The following SARDH variants were observed in gnomAD, a reference collection of about 807,000 sequenced individuals.
SARDH encodes sarcosine dehydrogenase.
Under a neutral mutation model 109.1 loss-of-function variants are expected in SARDH, and 95 were observed. The ratio of observed to expected loss-of-function variants is 0.87; its 90% CI spans 0.74 to 1.03. The LOEUF (loss-of-function observed/expected upper bound fraction) is 1.03, where lower values mean the gene tolerates loss of function less well. Among genes scored for constraint, SARDH ranks in the 50% least tolerant of loss-of-function variants. The pLI, the probability that SARDH is intolerant of heterozygous loss-of-function variation, is 0.00. For synonymous variants in SARDH, 572 were observed against 534.8 expected (o/e 1.07, Z -0.96); for missense variants, 1,267 against 1,287.8 (o/e 0.98, Z 0.25).
rs998402679 is a variant in SARDH, at chr9:133,670,534, T to G, written c.2495+50A>C. The G allele has an allele frequency of 2.6e-6, 4 of 1,536,758 alleles. No homozygotes were observed. The African/African-American group carries it at 5.5e-5, about 21-fold the overall frequency. ...GGGACCAAGAAGCGCCTGCCTGCCC[T>G]GGCTGTAGGCAGTTGCTTCCGGGTG... is the stretch of plus-strand genomic sequence containing the variant. On this transcript the variant is annotated intron_variant, in intron 19 of 20. Coordinates refer to ENST00000439388, the MANE Select transcript of SARDH (RefSeq NM_001134707.2).
rs1243145429 is a variant in SARDH, at chr9:133,734,014, C to T, written c.160G>A (p.Val54Met). 6 of 1,613,048 alleles carry T rather than the reference C, an allele frequency of 3.7e-6. No homozygotes were observed. Among genetic ancestry groups the T allele is most frequent in the South Asian group, 1.1e-5 (1 of 91,076 alleles). ...RTLKEGQGTSVVAQGPSRPLP... is the reference protein window; with the variant it reads ...RTLKEGQGTSMVAQGPSRPLP... Reference sequence around the variant, plus strand: ...GGCCGGCTTGGGCCTTGGGCCACCACCGAGGTGCCCTGTCCCTCCTTCAGG... The same window carrying T: ...GGCCGGCTTGGGCCTTGGGCCACCATCGAGGTGCCCTGTCCCTCCTTCAGG... Residue 54 changes from valine to methionine, a missense_variant, in exon 2 of 21, where the codon GTG (valine) becomes ATG (methionine). Physicochemically the swap from Val to Met is conservative, Grantham distance 21. Transcript: ENST00000439388.
chr9:133,710,670 C>T lies in SARDH; in HGVS notation c.1328+1949G>A, dbSNP rs139080035. Among the ~76,000 whole-genome samples, 202 of 152,384 alleles carry T rather than the reference C, an allele frequency of 1.3e-3. 1 individual carries two copies. Among genetic ancestry groups the T allele is most frequent in the African/African-American group, 4.7e-3 (197 of 41,594 alleles). On this transcript the variant is annotated intron_variant, in intron 10 of 20. Coordinates refer to ENST00000439388, the MANE Select transcript of SARDH (RefSeq NM_001134707.2). The stretch of plus-strand genomic sequence containing the variant: ...TTCTCAGGCACCTCCTTCCTCTCCT[C>T]GCTCTGTCTCTCTCCTTCAGGGTCT...
chr9:133,667,133 G>A (rs924589078), intron 19 of SARDH: 6 of 579,384 alleles, frequency 1.0e-5, no homozygotes, highest in East Asian at 8.5e-5. Flanking sequence ...TTCCAGAAGC[G>A]AGCCCCGTAT....
intron 6 of SARDH, among the ~76,000 whole-genome samples, chr9:133,723,579 G>C (rs761927864): frequency 1.3e-5 from 2 of 152,224 alleles, no homozygotes; most frequent in Middle Eastern, 3.4e-3. Flanking sequence ...TTGCTAACGT[G>C]GTGAAACCCT....
At chr9:133,669,937 T>C (rs1935391675) in intron 19 of SARDH, among the ~76,000 whole-genome samples, 1 of 152,204 alleles carries the variant, frequency 6.6e-6, no homozygotes, top group Non-Finnish European at 1.5e-5. Context: ...CACCTTTCTC[T>C]TTTGAGACCT....
intron 17 of SARDH, among the ~76,000 whole-genome samples, chr9:133,677,365 G>A (rs539695986): frequency 2.0e-5 from 3 of 152,168 alleles, no homozygotes; most frequent in Admixed American, 1.3e-4. Context: ...GAAAGAATCC[G>A]TAGGGGATGC....
Position 133,731,373 on chromosome 9 carries a change from C to T in SARDH, c.622G>A (p.Asp208Asn), listed in dbSNP as rs117556708. 2.5e-6 allele frequency: 4 copies of T among 1,614,206 alleles called. No homozygotes were observed. The South Asian group carries it at 3.3e-5, about 13-fold the overall frequency. Residue 208 changes from aspartate to asparagine, a missense_variant, in exon 4 of 21, where the codon GAC becomes AAC. Transcript: ENST00000439388. The part of the protein sequence containing the change: ...DLYGTLYVPH[D>N]GTMDPAGTCT... ...GTGCCAGCGGGGTCCATGGTACCGT[C>T]GTGCGGCACATACAGGGTCCCGTAG...
Position 133,685,242 on chromosome 9 carries a change from T to C in SARDH, c.2114A>G (p.Glu705Gly), listed in dbSNP as rs769330871. The change falls in exon 17 of 21, where the codon GAG becomes GGG. Residue 705 changes from glutamate to glycine, a missense_variant. Transcript: ENST00000439388. ...QEVLDADLSN[E>G]AFPFSTHKLL... ...CTTGTGGGTGGAGAACGGGAAGGCCTCGTTGCTCAGGTCTGCGTCCAGCAC... is the reference window on the plus strand; with the variant it reads ...CTTGTGGGTGGAGAACGGGAAGGCCCCGTTGCTCAGGTCTGCGTCCAGCAC... 6.2e-7 allele frequency: 1 copy of C among 1,613,996 alleles called. No homozygotes were observed. Among genetic ancestry groups the C allele is most frequent in the South Asian group, 1.1e-5 (1 of 91,076 alleles).
chr9:133,689,581 A>G (rs1831018630), intron 16 of SARDH, among the ~76,000 whole-genome samples: 1 of 152,054 alleles, frequency 6.6e-6, no homozygotes, highest in South Asian at 2.1e-4. Flanking sequence ...AAATGTCTCA[A>G]CCTCTCTGTT....
intron 8 of SARDH, among the ~76,000 whole-genome samples, chr9:133,714,900 A>G (rs1832062036): frequency 6.6e-6 from 1 of 152,228 alleles, no homozygotes; most frequent in African/African-American, 2.4e-5. Flanking sequence ...ACAACCTCAC[A>G]GGGAATCTGC....
chr9:133,660,026 A>G (rs1042764510), downstream of SARDH, among the ~76,000 whole-genome samples: 1 of 151,974 alleles, frequency 6.6e-6, no homozygotes, highest in Non-Finnish European at 1.5e-5. Context: ...AATCCTAGCC[A>G]GCTCTGGAAC....
At chr9:133,719,690 G>C (rs1191195369) in intron 6 of SARDH, among the ~76,000 whole-genome samples, 2 of 134,282 alleles carry the variant, frequency 1.5e-5, no homozygotes, top group Non-Finnish European at 3.0e-5. Flanking sequence ...GAGAGGCCCA[G>C]GGAAGGCTTG....
chr9:133,738,954 C>T (rs769519636), upstream of SARDH, among the ~76,000 whole-genome samples: 3 of 152,204 alleles, frequency 2.0e-5, no homozygotes, highest in African/African-American at 2.4e-5. Context: ...CTGCACAGCA[C>T]GTAGCCCCCA....
chr9:133,666,628 G>T lies in SARDH; in HGVS notation c.2631+107C>A. Reference sequence around the variant, plus strand: ...CCTCCTCCTCTTCTGGACCACACCCGTGCCTCCTCCCTATGCCCGGCACAC... The same window carrying T: ...CCTCCTCCTCTTCTGGACCACACCCTTGCCTCCTCCCTATGCCCGGCACAC... On this transcript the variant is annotated intron_variant, in intron 20 of 20. Coordinates refer to ENST00000439388, the MANE Select transcript of SARDH (RefSeq NM_001134707.2). This position sits in a 1 kb window ranked among gnomAD's most constrained non-coding sequence, Gnocchi z 5.2. 1 of 1,388,050 alleles carries T rather than the reference G, an allele frequency of 7.2e-7. No homozygotes were observed. 86.0% of individuals were successfully genotyped at this position (1,388,050 alleles called of 1,614,324 possible). A position where few individuals can be genotyped will look rare whatever the true frequency, so the allele number is the denominator to read the frequency against.
At chr9:133,711,510 G>A (rs1208207574) in intron 10 of SARDH, among the ~76,000 whole-genome samples, 1 of 152,226 alleles carries the variant, frequency 6.6e-6, no homozygotes, top group Admixed American at 6.5e-5. Context: ...GGCCCAGACG[G>A]GCTCTGAGTC....
At chr9:133,672,404 CAGTCCACAGCAGTGACCTGGGGCAAGCT>C in intron 17 of SARDH, among the ~76,000 whole-genome samples, 1 of 152,362 alleles carries the variant, frequency 6.6e-6, no homozygotes, top group Admixed American at 6.5e-5. Context: ...GGTCACCATT[CAGTCCACAGCAGTGACCTGGGGCAAGCT>C]TCTCACCCTT....
chr9:133,670,503 G>C (rs1830303537), intron 19 of SARDH, 81 bp downstream of exon 19: 1 of 1,448,164 alleles, frequency 6.9e-7, no homozygotes, highest in African/African-American at 1.4e-5. Flanking sequence ...CAGGGGCTTT[G>C]AGTGGGGGAC....
chr9:133,722,642 G>A (rs545768987), intron 6 of SARDH, among the ~76,000 whole-genome samples: 1 of 145,748 alleles, frequency 6.9e-6, no homozygotes, highest in Non-Finnish European at 1.5e-5. Context: ...AACTACTAGC[G>A]CTCTCTCTCT....
Position 133,712,473 on chromosome 9 carries a change from T to G in SARDH, c.1328+146A>C, listed in dbSNP as rs1204611943. On this transcript the variant is annotated intron_variant, in intron 10 of 20. Transcript: ENST00000439388. The surrounding 1 kb of genome is among the most constrained non-coding windows in gnomAD (Gnocchi z 4.1). The stretch of plus-strand genomic sequence containing the variant: ...CCCCTCAGCACTGCCCACCTTCTGC[T>G]GGTGGCCTTCCTCCCTCACTGCTGC... 1.5e-6 allele frequency: 1 copy of G among 661,952 alleles called. No homozygotes were observed. Among genetic ancestry groups the G allele is most frequent in the East Asian group, 2.7e-5 (1 of 36,580 alleles). The allele number at this position is 661,952 out of a possible 1,614,324, so 41.0% of individuals were successfully genotyped here.
Sources: allele counts gnomAD v4.1 joint callset (sites outside exome capture counted in the v4.1 genomes callset), GRCh38; gene constraint gnomAD v4.1.1; non-coding constraint Gnocchi (gnomAD v3.1); transcripts MANE v1.5; gene names NCBI Gene and HGNC (gene_info 2026-07-23, HGNC 2026-07-21).